Variants in SAMMSON observed in about 807,000 individuals in gnomAD.
The protein encoded by SAMMSON is survival associated mitochondrial melanoma specific oncogenic non-coding RNA.
At chr3:70,262,235 A>T (rs1701873976) in intron 6 of SAMMSON, among the ~76,000 whole-genome samples, 2 of 152,218 alleles carry the variant, frequency 1.3e-5, no homozygotes, top group African/African-American at 2.4e-5. Flanking sequence ...ATGAATAATT[A>T]TACCAATAAC....
intron 6 of SAMMSON, among the ~76,000 whole-genome samples, chr3:70,265,909 G>T (rs796711617): frequency 2.0e-5 from 3 of 152,204 alleles, no homozygotes; most frequent in African/African-American, 7.2e-5. Flanking sequence ...AACGGCATGG[G>T]GGAAGCCATA....
intron 4 of SAMMSON, among the ~76,000 whole-genome samples, chr3:70,111,968 T>C (rs1385801139): frequency 6.6e-6 from 1 of 152,046 alleles, no homozygotes; most frequent in African/African-American, 2.4e-5. Context: ...AATGAGAAGG[T>C]CCAAATAATT....
At chr3:70,371,847 C>A (rs1373165955) in intron 9 of SAMMSON, among the ~76,000 whole-genome samples, 5 of 152,162 alleles carry the variant, frequency 3.3e-5, no homozygotes, top group African/African-American at 1.2e-4. Context: ...CCTGACTTCT[C>A]TGGCTAGGAC....
chr3:70,097,224 G>T (rs2067326048), intron 4 of SAMMSON, among the ~76,000 whole-genome samples: 1 of 152,172 alleles, frequency 6.6e-6, no homozygotes, highest in Non-Finnish European at 1.5e-5. Context: ...AGTCAGAATT[G>T]TTGTTCAAAC....
At chr3:70,234,580 C>T (rs1214236112) in intron 4 of SAMMSON, among the ~76,000 whole-genome samples, 4 of 151,270 alleles carry the variant, frequency 2.6e-5, no homozygotes, top group Non-Finnish European at 5.9e-5. Flanking sequence ...GTCGAGGCTG[C>T]AGTGAGCCAT....
chr3:70,336,715 TTTA>T (rs1702662902), intron 7 of SAMMSON, among the ~76,000 whole-genome samples: 1 of 151,844 alleles, frequency 6.6e-6, no homozygotes, highest in Non-Finnish European at 1.5e-5. Context: ...CTAGCAACAT[TTTA>T]TTTTCATCAA....
intron 4 of SAMMSON, among the ~76,000 whole-genome samples, chr3:70,097,333 G>C (rs1431677210): frequency 1.3e-5 from 2 of 152,244 alleles, no homozygotes; most frequent in African/African-American, 4.8e-5. Context: ...TTGAAAGCAG[G>C]ACAGTCTTAT....
At chr3:70,075,658 C>A (rs2067245788) in intron 4 of SAMMSON, among the ~76,000 whole-genome samples, 1 of 152,020 alleles carries the variant, frequency 6.6e-6, no homozygotes, top group South Asian at 2.1e-4. Flanking sequence ...AAATGACATG[C>A]CTTTCAAAAC....
At chr3:70,028,658 G>A (rs2067052502) in intron 3 of SAMMSON, among the ~76,000 whole-genome samples, 1 of 152,230 alleles carries the variant, frequency 6.6e-6, no homozygotes, top group South Asian at 2.1e-4. Context: ...TGGGCTGTGT[G>A]GTCTATTCTC....
intron 2 of SAMMSON, among the ~76,000 whole-genome samples, chr3:70,415,031 AG>A (rs1701251724): frequency 1.3e-5 from 2 of 152,108 alleles, no homozygotes; most frequent in South Asian, 4.1e-4. Flanking sequence ...AATTGGAAAG[AG>A]GGAGAGAAAC....
At chr3:70,116,415 A>G (rs2067411531) in intron 4 of SAMMSON, among the ~76,000 whole-genome samples, 1 of 150,700 alleles carries the variant, frequency 6.6e-6, no homozygotes, top group East Asian at 2.0e-4. Flanking sequence ...TGCACTTTCC[A>G]GTAAATGATC....
chr3:70,197,773 G>A (rs1025911968), intron 4 of SAMMSON, among the ~76,000 whole-genome samples: 15 of 152,044 alleles, frequency 9.9e-5, no homozygotes, highest in Non-Finnish European at 2.1e-4. Context: ...CTCTGTTTCC[G>A]TTTCCCTCCA....
chr3:70,244,689 A>G (rs1406535981), intron 4 of SAMMSON, among the ~76,000 whole-genome samples: 1 of 152,214 alleles, frequency 6.6e-6, no homozygotes, highest in Non-Finnish European at 1.5e-5. Context: ...GATGGTTAGA[A>G]ATGCATTTTT....
At chr3:70,374,906 G>A (rs139885554) in intron 9 of SAMMSON, among the ~76,000 whole-genome samples, 121 of 152,206 alleles carry the variant, frequency 7.9e-4, no homozygotes, top group Non-Finnish European at 1.2e-4. Context: ...TAGAGAGAGT[G>A]GGCTTTTGCT....
chr3:70,419,006 TTTCTTTCTTTCC>T (rs1238640057), intron 2 of SAMMSON, among the ~76,000 whole-genome samples: 6 of 142,550 alleles, frequency 4.2e-5, no homozygotes, highest in African/African-American at 1.4e-4. Context: ...TCTCTCTTTC[TTTCTTTCTTTCC>T]TTCTTTCTTT....
chr3:70,387,799 C>T lies in SAMMSON; in HGVS notation n.914-1775C>T, dbSNP rs1046965790. On this transcript the variant is annotated intron_variant and non_coding_transcript_variant, in intron 9 of 9. Transcript: ENST00000642114. ...TTCCATCATAACACTCCTACAGGGG[C>T]TGTATTAAATGTTCTACCTACCTCT... Among the ~76,000 whole-genome samples, 23 of 151,990 alleles carry T rather than the reference C, an allele frequency of 1.5e-4. 1 individual carries two copies. The highest frequency in any genetic ancestry group is 4.1e-4 in the South Asian group (2 of 4,824).
chr3:70,121,720 A>C (rs865978250), intron 4 of SAMMSON, among the ~76,000 whole-genome samples: 6 of 152,194 alleles, frequency 3.9e-5, no homozygotes, highest in African/African-American at 1.2e-4. Flanking sequence ...CTGAGCGTCC[A>C]CTGTGTTTCT....
At chr3:70,392,148 A>G (rs1268557005), downstream of SAMMSON, among the ~76,000 whole-genome samples, 1 of 152,198 alleles carries the variant, frequency 6.6e-6, no homozygotes, top group Non-Finnish European at 1.5e-5. Flanking sequence ...AACAGGTCTG[A>G]AAACCATTTA....
At chr3:70,268,178 C>T (rs1039830103) in intron 6 of SAMMSON, among the ~76,000 whole-genome samples, 11 of 152,110 alleles carry the variant, frequency 7.2e-5, no homozygotes, top group Non-Finnish European at 1.5e-4. Flanking sequence ...ACCTTATTAT[C>T]AACATTCTCC....
Sources: gnomAD v4.1 joint callset for allele counts (sites outside exome capture counted in the v4.1 genomes callset) on GRCh38, gnomAD v4.1.1 for gene constraint, MANE v1.5 for transcripts, NCBI Gene and HGNC (gene_info 2026-07-23, HGNC 2026-07-21) for gene names.